Variants in ENTREP1 observed in about 807,000 individuals in gnomAD.
ENTREP1 encodes the protein Friedreich ataxia region gene X123.
the ENTREP1 span, among the ~76,000 whole-genome samples, chr9:69,340,666 C>CATGTGTGTGTGTGCGT: frequency 9.2e-6 from 1 of 108,738 alleles, no homozygotes; most frequent in African/African-American, 3.8e-5. Context: ...TGTGTGTGTG[C>CATGTGTGTGTGTGCGT]GTGTGTGTGT....
chr9:69,370,505 C>T, the ENTREP1 span, among the ~76,000 whole-genome samples: 3 of 152,234 alleles, frequency 2.0e-5, no homozygotes, highest in Non-Finnish European at 4.4e-5. Flanking sequence ...GTATTTTCCC[C>T]AAGATCTGAT....
the ENTREP1 span, among the ~76,000 whole-genome samples, chr9:69,327,110 G>A: frequency 4.6e-5 from 7 of 151,930 alleles, no homozygotes; most frequent in Non-Finnish European, 4.4e-5. Context: ...GCCTGAAATT[G>A]TATACTTCAT....
chr9:69,325,974 T>TAAGC, the ENTREP1 span, among the ~76,000 whole-genome samples: 1 of 151,686 alleles, frequency 6.6e-6, no homozygotes, highest in South Asian at 2.1e-4. Context: ...CTAATAGAAT[T>TAAGC]AAAGACACCC....
the ENTREP1 span, among the ~76,000 whole-genome samples, chr9:69,374,278 A>G: frequency 2.0e-5 from 3 of 151,968 alleles, no homozygotes; most frequent in East Asian, 5.8e-4. Context: ...ATGGACAGTT[A>G]GGTTGTTTCC....
chr9:69,380,073 C>T, the ENTREP1 span: 5 of 152,114 alleles, frequency 3.3e-5, no homozygotes, highest in African/African-American at 9.7e-5. Flanking sequence ...GAAAGAAGGC[C>T]GAAGGAGGGA....
the ENTREP1 span, among the ~76,000 whole-genome samples, chr9:69,352,063 T>C: frequency 6.6e-6 from 1 of 152,162 alleles, no homozygotes; most frequent in East Asian, 1.9e-4. Flanking sequence ...TCTGTTTTCT[T>C]TTTTGGGGTC....
At chr9:69,340,959 C>G in the ENTREP1 span, among the ~76,000 whole-genome samples, 10 of 152,104 alleles carry the variant, frequency 6.6e-5, no homozygotes, top group Admixed American at 4.6e-4. Context: ...AAATGATGGA[C>G]AATGCTAGAA....
At chr9:69,349,184 C>CAAAAAAAAAA in the ENTREP1 span, among the ~76,000 whole-genome samples, 8 of 85,270 alleles carry the variant, frequency 9.4e-5, no homozygotes, top group Non-Finnish European at 1.4e-4. Context: ...AACTCCATCT[C>CAAAAAAAAAA]AAAAAAAAAA....
the ENTREP1 span, chr9:69,388,131 G>T: frequency 2.5e-5 from 40 of 1,614,076 alleles, 1 homozygote; most frequent in South Asian, 4.0e-4. Context: ...TGGCCAATGG[G>T]TACATGTTGT....
At chr9:69,356,686 A>G in the ENTREP1 span, among the ~76,000 whole-genome samples, 1 of 152,200 alleles carries the variant, frequency 6.6e-6, no homozygotes, top group African/African-American at 2.4e-5. Context: ...TGCCTTTCTA[A>G]TCTTCAAATC....
At chr9:69,360,531 A>T in the ENTREP1 span, among the ~76,000 whole-genome samples, 1 of 151,896 alleles carries the variant, frequency 6.6e-6, no homozygotes, top group Non-Finnish European at 1.5e-5. Flanking sequence ...GTCCTTCTTC[A>T]TTTGCTTCAT....
the ENTREP1 span, among the ~76,000 whole-genome samples, chr9:69,326,474 C>T: frequency 1.3e-5 from 2 of 152,030 alleles, no homozygotes; most frequent in East Asian, 3.9e-4. Context: ...ACAGGACCCA[C>T]TCCTCCCTCC....
At chr9:69,365,085 A>G in the ENTREP1 span, among the ~76,000 whole-genome samples, 1 of 152,218 alleles carries the variant, frequency 6.6e-6, no homozygotes, top group African/African-American at 2.4e-5. Context: ...CTTTTTAAAA[A>G]TAAGGTAAGT....
the ENTREP1 span, among the ~76,000 whole-genome samples, chr9:69,331,992 C>T: frequency 2.6e-5 from 4 of 152,198 alleles, no homozygotes; most frequent in Non-Finnish European, 4.4e-5. Context: ...TTCTCTTCTT[C>T]TTTTCCCAAC....
the ENTREP1 span, among the ~76,000 whole-genome samples, chr9:69,360,364 C>A: frequency 6.6e-6 from 1 of 152,274 alleles, no homozygotes; most frequent in East Asian, 1.9e-4. Flanking sequence ...CGCCCCTCTG[C>A]CCCAACACGT....
chr9:69,391,584 CCT>C, the ENTREP1 span: 6 of 1,611,682 alleles, frequency 3.7e-6, no homozygotes, highest in South Asian at 3.3e-5. Flanking sequence ...TCTCCCCACC[CCT>C]CTCTTTTCCC....
the ENTREP1 span, chr9:69,387,950 T>G: frequency 6.6e-7 from 1 of 1,521,922 alleles, no homozygotes; most frequent in Admixed American, 2.0e-5. Flanking sequence ...AATGACGTGT[T>G]TCGGGCCATA....
the ENTREP1 span, among the ~76,000 whole-genome samples, chr9:69,357,522 C>A: frequency 1.3e-5 from 2 of 152,176 alleles, no homozygotes; most frequent in African/African-American, 4.8e-5. Flanking sequence ...CTGTGTTTGG[C>A]TTGTTGGCAA....
the ENTREP1 span, among the ~76,000 whole-genome samples, chr9:69,350,081 A>G: frequency 5.3e-5 from 8 of 152,288 alleles, no homozygotes; most frequent in Non-Finnish European, 1.2e-4. Context: ...AAAGTTTACA[A>G]TTTTGAAGTT....
Sources: gnomAD v4.1 joint callset for allele counts (sites outside exome capture counted in the v4.1 genomes callset) on GRCh38, gnomAD v4.1.1 for gene constraint, MANE v1.5 for transcripts, NCBI Gene and HGNC (gene_info 2026-07-23, HGNC 2026-07-21) for gene names.